Variants in FGD4 observed in about 807,000 individuals in gnomAD.
FGD4 encodes FYVE, RhoGEF and PH domain-containing protein 4.
In FGD4, 42 loss-of-function variants were observed where a neutral mutation model predicts 102.0. That is an observed-to-expected ratio of 0.41 (90% CI 0.32 to 0.53). The LOEUF is 0.53. FGD4 is among the 20% of genes least tolerant of loss of function. The probability of loss-of-function intolerance (pLI) is 0.21; values close to 1 mark genes in which losing one functional copy is unlikely to be tolerated. For synonymous variants in FGD4, 380 were observed against 375.7 expected (o/e 1.01, Z -0.13); for missense variants, 902 against 1,078.2 (o/e 0.84, Z 2.29).
intron 1 of FGD4, among the ~76,000 whole-genome samples, chr12:32,562,661 G>A (rs968178387): frequency 2.6e-5 from 4 of 152,178 alleles, no homozygotes; most frequent in Admixed American, 1.3e-4. Flanking sequence ...AGCACATCCT[G>A]CACCGCCCTT....
intron 1 of FGD4, among the ~76,000 whole-genome samples, chr12:32,555,805 C>T (rs956958487): frequency 6.6e-6 from 1 of 151,868 alleles, no homozygotes; most frequent in African/African-American, 2.4e-5. Flanking sequence ...CTCCTGACCT[C>T]ATGATTCACC....
intron 10 of FGD4, among the ~76,000 whole-genome samples, chr12:32,615,928 T>C (rs1949425146): frequency 6.6e-6 from 1 of 152,130 alleles, no homozygotes; most frequent in South Asian, 2.1e-4. Context: ...GAGTTCTGAC[T>C]TGGTTGGTTT....
At chr12:32,431,417 T>G (rs932590754) in intron 1 of FGD4, among the ~76,000 whole-genome samples, 2 of 152,206 alleles carry the variant, frequency 1.3e-5, no homozygotes, top group African/African-American at 4.8e-5. Context: ...TTTTTTTCGT[T>G]TGGAAAAGGG....
intron 1 of FGD4, among the ~76,000 whole-genome samples, chr12:32,474,096 AAAAC>A (rs1402998347): frequency 3.3e-5 from 5 of 152,064 alleles, no homozygotes; most frequent in Admixed American, 6.6e-5. Context: ...TCAAAAAAAA[AAAAC>A]AAAAAGTATT....
At chr12:32,419,515 C>T (rs1941548708) in intron 1 of FGD4, among the ~76,000 whole-genome samples, 1 of 152,114 alleles carries the variant, frequency 6.6e-6, no homozygotes, top group Non-Finnish European at 1.5e-5. Flanking sequence ...ACCACGCAGC[C>T]ACTGCTGGGG....
intron 1 of FGD4, among the ~76,000 whole-genome samples, chr12:32,468,244 T>C (rs1261640716): frequency 6.8e-6 from 1 of 146,674 alleles, no homozygotes; most frequent in East Asian, 2.1e-4. Context: ...AATCATTGTC[T>C]ACTGTATGAT....
chr12:32,606,328 TTAATC>T (rs1948779047), intron 7 of FGD4, among the ~76,000 whole-genome samples: 3 of 152,166 alleles, frequency 2.0e-5, no homozygotes, highest in Admixed American at 2.0e-4. Context: ...CTGCAGTAGA[TTAATC>T]TAATAGAGCT....
intron 14 of FGD4, among the ~76,000 whole-genome samples, chr12:32,628,753 T>C (rs1357178808): frequency 6.6e-6 from 1 of 152,002 alleles, no homozygotes; most frequent in Non-Finnish European, 1.5e-5. Flanking sequence ...GCCATTGCAC[T>C]CCAGCCTGGG....
chr12:32,522,036 C>A (rs953011320), intron 1 of FGD4, among the ~76,000 whole-genome samples: 1 of 152,138 alleles, frequency 6.6e-6, no homozygotes, highest in African/African-American at 2.4e-5. Context: ...CCCATTTAAA[C>A]GTGCATATGA....
At chr12:32,513,878 G>A (rs1939631436) in intron 1 of FGD4, among the ~76,000 whole-genome samples, 1 of 152,130 alleles carries the variant, frequency 6.6e-6, no homozygotes, top group Admixed American at 6.5e-5. Context: ...TGGTTTAAAT[G>A]TATGTATGAA....
intron 10 of FGD4, among the ~76,000 whole-genome samples, chr12:32,618,795 A>G (rs1949606016): frequency 6.6e-6 from 1 of 152,162 alleles, no homozygotes; most frequent in South Asian, 2.1e-4. Flanking sequence ...ACATAGCAAG[A>G]CCTCATCTCT....
chr12:32,406,472 T>C (rs1337873354), intron 1 of FGD4, among the ~76,000 whole-genome samples: 1 of 151,646 alleles, frequency 6.6e-6, no homozygotes, highest in Non-Finnish European at 1.5e-5. Flanking sequence ...GAAAATCGCT[T>C]GAACCGAGGG....
intron 1 of FGD4, among the ~76,000 whole-genome samples, chr12:32,404,195 T>C (rs879459690): frequency 6.6e-6 from 1 of 152,044 alleles, no homozygotes; most frequent in East Asian, 1.9e-4. Context: ...ATTCAGCATC[T>C]CGGTGCTTTG....
At position 32,607,849 on chromosome 12, in the gene FGD4, C is replaced by A. The variant is rs1460384796; in HGVS notation, c.1405-108C>A. Reference sequence around the variant, plus strand: ...ATTTCATGCAGGTGATGGACAGTCACACTTTGTCGAAAAATATTGCCCTTG... The same window carrying A: ...ATTTCATGCAGGTGATGGACAGTCAAACTTTGTCGAAAAATATTGCCCTTG... On this transcript the variant is annotated intron_variant, in intron 7 of 16. Coordinates refer to ENST00000534526, the MANE Select transcript of FGD4 (RefSeq NM_001370298.3). 11 of 1,206,154 alleles carry A rather than the reference C, an allele frequency of 9.1e-6. No homozygotes were observed. The East Asian group carries it at 2.1e-4, about 23-fold the overall frequency. The allele number at this position is 1,206,154 out of a possible 1,614,324, so 74.7% of individuals were successfully genotyped here. A position where few individuals can be genotyped will look rare whatever the true frequency, so the allele number is the denominator to read the frequency against.
At chr12:32,407,064 G>A (rs1022214335) in intron 1 of FGD4, among the ~76,000 whole-genome samples, 20 of 147,242 alleles carry the variant, frequency 1.4e-4, no homozygotes, top group Admixed American at 6.2e-4. Context: ...ACCCGCCTCC[G>A]CCTCCCAAAG....
chr12:32,478,045 A>T (rs1943625316), intron 1 of FGD4, among the ~76,000 whole-genome samples: 1 of 152,214 alleles, frequency 6.6e-6, no homozygotes, highest in African/African-American at 2.4e-5. Flanking sequence ...GTTTAGAAAA[A>T]AAATATCAAA....
chr12:32,640,531 T>C lies in FGD4; in HGVS notation c.2710T>C (p.Ter904ArgextTer52). 1 of 1,613,764 alleles carries C rather than the reference T, an allele frequency of 6.2e-7. No homozygotes were observed. The highest frequency in any genetic ancestry group is 2.2e-5 in the East Asian group (1 of 44,876). ...TGAACCTAAGAAAAAATCAGAATGC[T>C]GAACTCCTCCAGGACCAGCCATGGT... Reference protein sequence around the residue: ...HPEPKKKSEC* With the variant: ...HPEPKKKSECR The change falls in exon 17 of 17, where the codon TGA becomes CGA. Residue 904 changes from the stop codon to arginine, a stop_lost. Transcript: ENST00000534526.
At chr12:32,425,547 CTA>C (rs945381691) in intron 1 of FGD4, among the ~76,000 whole-genome samples, 5 of 152,128 alleles carry the variant, frequency 3.3e-5, no homozygotes, top group Admixed American at 6.5e-5. Context: ...ATTGTCTTGG[CTA>C]TATGAGTTCT....
At chr12:32,421,956 C>T (rs555696266) in intron 1 of FGD4, among the ~76,000 whole-genome samples, 17 of 151,768 alleles carry the variant, frequency 1.1e-4, no homozygotes, top group South Asian at 6.3e-4. Flanking sequence ...CTGGCCAACG[C>T]GGTGAAACCC....
Sources: gnomAD v4.1 joint callset for allele counts (sites outside exome capture counted in the v4.1 genomes callset) on GRCh38, gnomAD v4.1.1 for gene constraint, MANE v1.5 for transcripts, NCBI Gene and HGNC (gene_info 2026-07-23, HGNC 2026-07-21) for gene names.